Variants in LEKR1 observed in about 807,000 individuals in gnomAD.
LEKR1 encodes the protein leucine, glutamate and lysine rich 1, also known as protein LEKR1.
Under a neutral mutation model 72.4 loss-of-function variants are expected in LEKR1, and 59 were observed. That is an observed-to-expected ratio of 0.82 (90% CI 0.66 to 1.01). The LOEUF is 1.01. LEKR1 is among the 50% of genes least tolerant of loss of function. LEKR1 has a pLI of 0.00. For synonymous variants in LEKR1, 257 were observed against 263.2 expected (o/e 0.98, Z 0.23); for missense variants, 728 against 759.2 (o/e 0.96, Z 0.48).
intron 3 of LEKR1, among the ~76,000 whole-genome samples, chr3:156,863,667 A>G (rs984272606): frequency 1.3e-5 from 2 of 152,126 alleles, no homozygotes; most frequent in Non-Finnish European, 1.5e-5. Context: ...ACAGATGGCT[A>G]AGCAAACACA....
At chr3:156,899,283 TAC>T (rs1721544740) in intron 3 of LEKR1, among the ~76,000 whole-genome samples, 1 of 146,804 alleles carries the variant, frequency 6.8e-6, no homozygotes, top group South Asian at 2.1e-4. Flanking sequence ...TGTATATATA[TAC>T]ATGTATATAT....
At chr3:156,997,748 G>A (rs1731695620) in intron 9 of LEKR1, among the ~76,000 whole-genome samples, 1 of 152,172 alleles carries the variant, frequency 6.6e-6, no homozygotes, top group Non-Finnish European at 1.5e-5. Context: ...CAGAAGAGAA[G>A]AAAACGATGT....
intron 2 of LEKR1, among the ~76,000 whole-genome samples, chr3:156,831,345 T>C (rs1186442875): frequency 6.6e-6 from 1 of 152,226 alleles, no homozygotes; most frequent in Non-Finnish European, 1.5e-5. Flanking sequence ...CATTTACACC[T>C]ACATATTAGC....
At chr3:156,996,711 A>G (rs901923451) in intron 9 of LEKR1, among the ~76,000 whole-genome samples, 4 of 152,170 alleles carry the variant, frequency 2.6e-5, no homozygotes, top group Admixed American at 2.6e-4. Flanking sequence ...TTAAGTGTCT[A>G]TGTCAAGTGG....
chr3:156,910,388 G>C (rs1380280346), intron 3 of LEKR1, among the ~76,000 whole-genome samples: 1 of 152,108 alleles, frequency 6.6e-6, no homozygotes, highest in African/African-American at 2.4e-5. Context: ...TTGATTTTCA[G>C]TTCCTGTATT....
intron 3 of LEKR1, among the ~76,000 whole-genome samples, chr3:156,916,603 T>G (rs1723676396): frequency 6.6e-6 from 1 of 152,138 alleles, no homozygotes; most frequent in Non-Finnish European, 1.5e-5. Context: ...GTATGTTGAT[T>G]TTGTATCCTG....
At chr3:157,042,003 C>A (rs1167726253) in intron 12 of LEKR1, among the ~76,000 whole-genome samples, 2 of 152,198 alleles carry the variant, frequency 1.3e-5, no homozygotes, top group Non-Finnish European at 2.9e-5. Context: ...CCTGAAATAG[C>A]AATCCCCTAT....
At chr3:157,003,934 C>T (rs1732213831) in intron 9 of LEKR1, among the ~76,000 whole-genome samples, 1 of 151,918 alleles carries the variant, frequency 6.6e-6, no homozygotes, top group Non-Finnish European at 1.5e-5. Context: ...GAAGAAAAAA[C>T]AGATGGGAAA....
intron 5 of LEKR1, among the ~76,000 whole-genome samples, 187 bp from the exon 6 acceptor site, chr3:156,942,342 C>CT (rs928590340): frequency 5.7e-4 from 87 of 151,962 alleles, no homozygotes; most frequent in Non-Finnish European, 1.1e-3. Context: ...AGCAATAAAA[C>CT]TTTTTTTATC....
chr3:156,984,823 TTG>T (rs551303763), intron 7 of LEKR1, among the ~76,000 whole-genome samples: 141 of 152,214 alleles, frequency 9.3e-4, no homozygotes, highest in Non-Finnish European at 1.4e-3. Flanking sequence ...AACTGATAAT[TTG>T]AACAATAGTA....
chr3:156,901,171 A>G (rs1721997604), intron 3 of LEKR1, among the ~76,000 whole-genome samples: 1 of 152,088 alleles, frequency 6.6e-6, no homozygotes, highest in Admixed American at 6.5e-5. Flanking sequence ...AAGTCTTTCT[A>G]ACAAATTTTC....
Position 156,954,649 on chromosome 3 carries a change from T to A in LEKR1, c.745+11935T>A, listed in dbSNP as rs547723114. ...CCATTGCTTGCTTTTGTCAGGTTTGTCAAATATCAGAGGTTGTAGGTGTGC... is the reference window on the plus strand; with the variant it reads ...CCATTGCTTGCTTTTGTCAGGTTTGACAAATATCAGAGGTTGTAGGTGTGC... On this transcript the variant is annotated intron_variant, in intron 6 of 12. Transcript: ENST00000356539. 7.2e-5 allele frequency among the ~76,000 whole-genome samples: 11 copies of A among 152,216 alleles called. 1 individual carries two copies. In the South Asian group the frequency reaches 2.3e-3, roughly 32 times the overall value.
At chr3:156,829,651 A>G (rs1431682701) in intron 2 of LEKR1, among the ~76,000 whole-genome samples, 1 of 152,200 alleles carries the variant, frequency 6.6e-6, no homozygotes, top group Non-Finnish European at 1.5e-5. Context: ...GGCATCAGAA[A>G]CGTCCATGTG....
At chr3:156,956,014 T>A (rs1727598563) in intron 6 of LEKR1, among the ~76,000 whole-genome samples, 1 of 151,922 alleles carries the variant, frequency 6.6e-6, no homozygotes, top group Non-Finnish European at 1.5e-5. Context: ...ATTTGTGAAT[T>A]TTTTTAGTTA....
chr3:156,981,056 A>G (rs1461020212), intron 7 of LEKR1, among the ~76,000 whole-genome samples: 1 of 152,168 alleles, frequency 6.6e-6, no homozygotes, highest in Non-Finnish European at 1.5e-5. Context: ...CCATTGTGTT[A>G]CAATTACCTA....
intron 3 of LEKR1, among the ~76,000 whole-genome samples, chr3:156,898,391 A>C (rs1365640720): frequency 6.6e-6 from 1 of 152,160 alleles, no homozygotes; most frequent in Non-Finnish European, 1.5e-5. Flanking sequence ...AAAAAGAAAA[A>C]AAAATCAGAG....
At chr3:156,899,489 T>C (rs986143379) in intron 3 of LEKR1, among the ~76,000 whole-genome samples, 2 of 126,218 alleles carry the variant, frequency 1.6e-5, no homozygotes, top group Non-Finnish European at 3.2e-5. Flanking sequence ...TACATACATA[T>C]ATACACATAT....
At chr3:156,830,641 TAAGA>T (rs1712256619) in intron 2 of LEKR1, among the ~76,000 whole-genome samples, 1 of 152,118 alleles carries the variant, frequency 6.6e-6, no homozygotes, top group African/African-American at 2.4e-5. Flanking sequence ...AGAATTGTTA[TAAGA>T]AAGGCATACC....
chr3:156,973,161 T>A (rs1729390853), intron 6 of LEKR1, among the ~76,000 whole-genome samples: 1 of 152,146 alleles, frequency 6.6e-6, no homozygotes, highest in Non-Finnish European at 1.5e-5. Flanking sequence ...ATTTCTAAAG[T>A]CTGCGAAGTT....
Sources: gnomAD v4.1 joint callset for allele counts (sites outside exome capture counted in the v4.1 genomes callset) on GRCh38, gnomAD v4.1.1 for gene constraint, MANE v1.5 for transcripts, NCBI Gene and HGNC (gene_info 2026-07-23, HGNC 2026-07-21) for gene names.